The following HECTD4 variants were observed in gnomAD, a reference collection of about 807,000 sequenced individuals.
HECTD4 encodes probable E3 ubiquitin-protein ligase HECTD4.
A neutral mutation model predicts 471.5 loss-of-function variants in HECTD4; 114 were observed. That is an observed-to-expected ratio of 0.24 (90% CI 0.21 to 0.28). HECTD4 has a LOEUF of 0.28. HECTD4 is among the 10% of genes least tolerant of loss of function. HECTD4 has a pLI of 1.00. For synonymous variants in HECTD4, 2,012 were observed against 2,256.0 expected (o/e 0.89, Z 3.07); for missense variants, 3,866 against 5,651.5 (o/e 0.68, Z 10.13).
chr12:112,308,798 A>T lies in HECTD4; in HGVS notation c.1119T>A (p.Asn373Lys). The change falls in exon 6 of 76, where the codon AAT becomes AAA. Residue 373 changes from asparagine to lysine, a missense_variant. By Grantham distance (94) the Asn-to-Lys change is moderately conservative. Transcript: ENST00000682272. ...SLLHRPVSFD[N>K]KPHSLFQVID... ...TGACCTGGAAAAGGGAGTGAGGTTTATTATCGAAAGAGACAGGCCGGTGGA... is the reference window on the plus strand; with the variant it reads ...TGACCTGGAAAAGGGAGTGAGGTTTTTTATCGAAAGAGACAGGCCGGTGGA... 1 of 1,536,058 alleles carries T rather than the reference A, an allele frequency of 6.5e-7. No individual in the cohort carries two copies. The highest frequency in any genetic ancestry group is 8.7e-7 in the Non-Finnish European group (1 of 1,146,856).
At chr12:112,328,764 T>A (rs1376867168) in intron 1 of HECTD4, among the ~76,000 whole-genome samples, 1 of 152,200 alleles carries the variant, frequency 6.6e-6, no homozygotes, top group African/African-American at 2.4e-5. Context: ...CTTTTCAACA[T>A]CTCTTATTTG....
Position 112,270,389 on chromosome 12 carries a change from T to G in HECTD4, c.2013A>C (p.Gln671His). 1.2e-6 allele frequency: 2 copies of G among 1,613,996 alleles called. No homozygotes were observed. The highest frequency in any genetic ancestry group is 1.7e-6 in the Non-Finnish European group (2 of 1,179,886). ...LHHVGAMCIH[Q>H]LNLLATNPNL... ...TGGGGTTGGTGGCAAGAAGATTGAG[T>G]TGGTGTATGCACATCGCACCAACGT... The change falls in exon 12 of 76, where the codon CAA (glutamine) becomes CAC (histidine). Residue 671 changes from glutamine (Q) to histidine (H), a missense_variant. Around this residue, in one of 16 missense-constraint regions of HECTD4, gnomAD observed 525 missense variants for 672.6 expected, o/e 0.78. Transcript: ENST00000682272.
chr12:112,278,749 C>T (rs576475362), intron 9 of HECTD4, among the ~76,000 whole-genome samples: 46 of 152,216 alleles, frequency 3.0e-4, no homozygotes, highest in Admixed American at 2.8e-3. Flanking sequence ...AAAAATTAGC[C>T]GGGCATGGTG....
chr12:112,246,792 G>T, intron 29 of HECTD4, 109 bp downstream of exon 29: 1 of 925,274 alleles, frequency 1.1e-6, no homozygotes, highest in East Asian at 3.1e-5. Context: ...TCCTTTCTCA[G>T]AGTACCCAAG....
chr12:112,287,313 T>C (rs1249052307), intron 7 of HECTD4, among the ~76,000 whole-genome samples: 1 of 152,156 alleles, frequency 6.6e-6, no homozygotes, highest in Non-Finnish European at 1.5e-5. Context: ...AAAAGCTTAT[T>C]TACTGGGCTA....
chr12:112,237,935 G>A (rs945034036), intron 34 of HECTD4, among the ~76,000 whole-genome samples: 1 of 151,996 alleles, frequency 6.6e-6, no homozygotes, highest in Non-Finnish European at 1.5e-5. Context: ...TGTATTTTTA[G>A]TAGAGATGGG....
intron 17 of HECTD4, chr12:112,261,832 A>C (rs1200035669): frequency 6.4e-6 from 1 of 156,822 alleles, no homozygotes; most frequent in East Asian, 1.9e-4. Flanking sequence ...AGCTAAAGAG[A>C]AAAACAGAAC....
intron 54 of HECTD4, 131 bp from the exon 55 acceptor site, chr12:112,200,929 T>C: frequency 1.3e-6 from 1 of 791,980 alleles, no homozygotes; most frequent in Non-Finnish European, 2.0e-6. Context: ...AGTCCAGGCT[T>C]TTAGGTATTA....
chr12:112,231,336 A>G, intron 39 of HECTD4, 177 bp downstream of exon 39: 1 of 617,800 alleles, frequency 1.6e-6, no homozygotes, highest in Non-Finnish European at 2.9e-6. Flanking sequence ...ATCTACCTGG[A>G]TGGTCATTAC....
At chr12:112,172,281 A>G (rs1351060032) in intron 67 of HECTD4, among the ~76,000 whole-genome samples, 2 of 152,242 alleles carry the variant, frequency 1.3e-5, no homozygotes, top group Admixed American at 1.3e-4. Context: ...TAACAAAAAC[A>G]TGGTGTTCCC....
intron 49 of HECTD4, among the ~76,000 whole-genome samples, chr12:112,211,027 C>T (rs2032745551): frequency 6.6e-6 from 1 of 152,158 alleles, no homozygotes; most frequent in Non-Finnish European, 1.5e-5. Flanking sequence ...AGGGCCAGAT[C>T]CTATAGGACC....
intron 61 of HECTD4, 150 bp from the exon 62 acceptor site, chr12:112,183,416 G>A (rs1304571265): frequency 1.4e-5 from 9 of 658,994 alleles, no homozygotes; most frequent in African/African-American, 5.4e-5. Context: ...GGACCTCCTG[G>A]GAAACTTTCT....
intron 7 of HECTD4, among the ~76,000 whole-genome samples, chr12:112,304,033 C>T (rs1594028186): frequency 6.6e-6 from 1 of 151,748 alleles, no homozygotes; most frequent in East Asian, 1.9e-4. Context: ...TGAAGGTCAC[C>T]ACCAGAAGAA....
intron 9 of HECTD4, among the ~76,000 whole-genome samples, chr12:112,277,321 A>G (rs1475742160): frequency 6.6e-6 from 1 of 152,244 alleles, no homozygotes; most frequent in Non-Finnish European, 1.5e-5. Context: ...AAGTTTAAAA[A>G]GCAGTCACAG....
At chr12:112,268,535 C>T (rs2034331800) in intron 13 of HECTD4, among the ~76,000 whole-genome samples, 1 of 152,118 alleles carries the variant, frequency 6.6e-6, no homozygotes, top group African/African-American at 2.4e-5. Context: ...GTGGGTGGAT[C>T]ACCTGAGGTC....
At chr12:112,282,064 T>C (rs991508913) in intron 8 of HECTD4, among the ~76,000 whole-genome samples, 4 of 152,096 alleles carry the variant, frequency 2.6e-5, no homozygotes, top group African/African-American at 9.7e-5. Context: ...CTTAAAGGTG[T>C]ATCCTGGTTA....
In HECTD4 at chr12:112,261,285, G is replaced by A; in HGVS notation, c.2873+20C>T. On this transcript the variant is annotated intron_variant, in intron 18 of 75. Transcript: ENST00000682272. ...TCTTCCCACAGGGCAGCTGGTCACA[G>A]CCCACAATCCATTCCTCACCTCTGC... 6.4e-7 allele frequency: 1 copy of A among 1,554,568 alleles called. No individual in the cohort carries two copies. The highest frequency in any genetic ancestry group is 8.8e-7 in the Non-Finnish European group (1 of 1,139,774).
chr12:112,269,819 T>C lies in HECTD4; in HGVS notation c.2206A>G (p.Thr736Ala), dbSNP rs1358592622. The C allele has an allele frequency of 6.2e-7, 1 of 1,613,910 alleles. No individual in the cohort carries two copies. The highest frequency in any genetic ancestry group is 2.2e-5 in the East Asian group (1 of 44,876). The change falls in exon 13 of 76, where the codon ACT becomes GCT. Residue 736 changes from threonine (T) to alanine (A), a missense_variant. Physicochemically the swap from Thr to Ala is moderately conservative, Grantham distance 58 (BLOSUM62 0). Transcript: ENST00000682272. ...VVFKFFFSPQ[T>A]ERNRDIIRRS... ...CGAATGATGTCTCGATTCCTTTCAG[T>C]TTGTGGGCTGAAGAAAAATTTAAAT...
chr12:112,181,890 G>A (rs1363324589), intron 62 of HECTD4, among the ~76,000 whole-genome samples: 4 of 152,134 alleles, frequency 2.6e-5, no homozygotes, highest in Non-Finnish European at 4.4e-5. Context: ...TCAGGAGTTC[G>A]AGACCAGCCT....
Sources: gnomAD v4.1 joint callset for allele counts (sites outside exome capture counted in the v4.1 genomes callset) on GRCh38, gnomAD v4.1.1 for gene constraint, gnomAD v4.1.1 regional missense constraint, MANE v1.5 for transcripts, NCBI Gene and HGNC (gene_info 2026-07-23, HGNC 2026-07-21) for gene names.